ZNF804B: variants seen among roughly 807,000 people sequenced by gnomAD.
ZNF804B encodes zinc finger protein 804B, also known as zinc finger 804B.
ZNF804B carries 80 observed loss-of-function variants against 101.4 expected under a neutral mutation model. The ratio of observed to expected loss-of-function variants is 0.79; its 90% CI spans 0.66 to 0.95. ZNF804B has a LOEUF of 0.95. ZNF804B is among the 40% of genes least tolerant of loss of function. The pLI, the probability that ZNF804B is intolerant of heterozygous loss-of-function variation, is 0.00. For synonymous variants in ZNF804B, 622 were observed against 558.8 expected, an observed-to-expected ratio of 1.11 and a Z score of -1.59; for missense variants, 1,673 against 1,561.9, an observed-to-expected ratio of 1.07 and a Z score of -1.20.
chr7:89,303,883 G>A (rs1353522259), intron 2 of ZNF804B, among the ~76,000 whole-genome samples: 1 of 151,698 alleles, frequency 6.6e-6, no homozygotes, highest in Non-Finnish European at 1.5e-5. Context: ...ATTTTAACAG[G>A]GATCTTTGTT....
chr7:88,808,912 TAGTC>T (rs758460021), intron 1 of ZNF804B, among the ~76,000 whole-genome samples: 5 of 152,130 alleles, frequency 3.3e-5, no homozygotes, highest in Non-Finnish European at 7.4e-5. Context: ...ACTGACAAAA[TAGTC>T]AGCAACTGGG....
intron 1 of ZNF804B, among the ~76,000 whole-genome samples, chr7:88,859,218 GT>G (rs1791613921): frequency 6.6e-6 from 1 of 151,722 alleles, no homozygotes; most frequent in African/African-American, 2.4e-5. Context: ...TGTGTGTGCT[GT>G]TTCTGTATGG....
intron 1 of ZNF804B, among the ~76,000 whole-genome samples, chr7:88,956,168 C>G (rs554861768): frequency 2.6e-4 from 39 of 151,654 alleles, no homozygotes; most frequent in Middle Eastern, 3.4e-3. Flanking sequence ...TCTTGGAAAA[C>G]AGTATGGAGG....
chr7:89,238,400 A>C (rs1217888664), intron 2 of ZNF804B, among the ~76,000 whole-genome samples: 1 of 152,156 alleles, frequency 6.6e-6, no homozygotes, highest in Non-Finnish European at 1.5e-5. Flanking sequence ...ATGACTCATT[A>C]TGGAGTCATT....
chr7:88,927,362 G>A (rs1280723764), intron 1 of ZNF804B, among the ~76,000 whole-genome samples: 1 of 152,126 alleles, frequency 6.6e-6, no homozygotes, highest in Non-Finnish European at 1.5e-5. Flanking sequence ...ACTTGAAATA[G>A]CAAACAATAT....
At chr7:89,172,682 A>G (rs1169845231) in intron 1 of ZNF804B, among the ~76,000 whole-genome samples, 2 of 152,188 alleles carry the variant, frequency 1.3e-5, no homozygotes, top group African/African-American at 2.4e-5. Flanking sequence ...AAATAACCAG[A>G]GTTTATTATG....
intron 1 of ZNF804B, among the ~76,000 whole-genome samples, chr7:88,956,715 G>T (rs1362978305): frequency 6.6e-6 from 1 of 150,978 alleles, no homozygotes; most frequent in Non-Finnish European, 1.5e-5. Flanking sequence ...ATTAAATGTA[G>T]TATATTTCTT....
At chr7:89,024,645 G>A (rs1295838700) in intron 1 of ZNF804B, among the ~76,000 whole-genome samples, 7 of 77,952 alleles carry the variant, frequency 9.0e-5, no homozygotes, top group Admixed American at 4.9e-4. Context: ...TCCTCTCAGA[G>A]AAGAGTATCA....
intron 1 of ZNF804B, among the ~76,000 whole-genome samples, chr7:88,818,717 C>T (rs1226590835): frequency 6.6e-6 from 1 of 152,150 alleles, no homozygotes; most frequent in East Asian, 1.9e-4. Context: ...TGACTTTCTC[C>T]TCTGCCACTT....
chr7:89,124,365 G>T (rs983100907), intron 1 of ZNF804B, among the ~76,000 whole-genome samples: 1 of 152,130 alleles, frequency 6.6e-6, no homozygotes, highest in African/African-American at 2.4e-5. Flanking sequence ...ATACAAGGGA[G>T]AAAAGTTTGG....
At chr7:88,918,926 G>T (rs1234418682) in intron 1 of ZNF804B, among the ~76,000 whole-genome samples, 2 of 152,076 alleles carry the variant, frequency 1.3e-5, no homozygotes, top group Non-Finnish European at 2.9e-5. Flanking sequence ...AAAGGAATAT[G>T]TGTCCTTCAT....
At chr7:88,832,166 G>T in intron 1 of ZNF804B, among the ~76,000 whole-genome samples, 1 of 137,468 alleles carries the variant, frequency 7.3e-6, no homozygotes, top group African/African-American at 3.0e-5. Flanking sequence ...AACTATTCCT[G>T]CTCAAAAAAA....
intron 2 of ZNF804B, among the ~76,000 whole-genome samples, chr7:89,223,190 A>G (rs192678139): frequency 1.3e-5 from 2 of 152,030 alleles, no homozygotes; most frequent in African/African-American, 4.8e-5. Flanking sequence ...ATGTAGATTC[A>G]GATGAACTAG....
intron 2 of ZNF804B, among the ~76,000 whole-genome samples, chr7:89,317,761 A>G (rs1439711967): frequency 2.0e-5 from 3 of 152,352 alleles, no homozygotes; most frequent in Non-Finnish European, 4.4e-5. Context: ...ACAATTCTCC[A>G]GTATTATCAC....
At chr7:89,319,117 G>C (rs979877748) in intron 2 of ZNF804B, among the ~76,000 whole-genome samples, 2 of 151,986 alleles carry the variant, frequency 1.3e-5, no homozygotes, top group African/African-American at 2.4e-5. Flanking sequence ...CCTTGCCCTC[G>C]TTCCTGTAAA....
chr7:88,939,059 A>C (rs577425136), intron 1 of ZNF804B, among the ~76,000 whole-genome samples: 2 of 152,182 alleles, frequency 1.3e-5, no homozygotes, highest in East Asian at 3.9e-4. Flanking sequence ...TAAAGTAGAA[A>C]GATAGAATGA....
chr7:89,254,018 A>G (rs1271761213), intron 2 of ZNF804B, among the ~76,000 whole-genome samples: 2 of 152,188 alleles, frequency 1.3e-5, no homozygotes, highest in Non-Finnish European at 2.9e-5. Flanking sequence ...TTTCTACTAA[A>G]ATACAATGAA....
At chr7:89,251,892 A>G (rs1243617400) in intron 2 of ZNF804B, among the ~76,000 whole-genome samples, 1 of 152,174 alleles carries the variant, frequency 6.6e-6, no homozygotes, top group Non-Finnish European at 1.5e-5. Flanking sequence ...ACCTTTTACC[A>G]TACAAAAATT....
intron 1 of ZNF804B, among the ~76,000 whole-genome samples, chr7:88,826,114 G>A (rs1452844582): frequency 6.6e-6 from 1 of 152,040 alleles, no homozygotes. Context: ...TGTTGAAAAA[G>A]AAAATACTTA....
Sources: allele counts gnomAD v4.1 joint callset (sites outside exome capture counted in the v4.1 genomes callset), GRCh38; gene constraint gnomAD v4.1.1; transcripts MANE v1.5; gene names NCBI Gene and HGNC (gene_info 2026-07-23, HGNC 2026-07-21).